AP1M1: variants seen among roughly 807,000 people sequenced by gnomAD.
The protein encoded by AP1M1 is AP-1 complex subunit mu-1.
In AP1M1, 18 loss-of-function variants were observed where a neutral mutation model predicts 57.1. The observed-to-expected ratio is 0.32, with a 90% CI of 0.22 to 0.47. The LOEUF is 0.47. AP1M1 is among the 20% of genes least tolerant of loss of function. The pLI is 1.00. For missense variants in AP1M1, 362 were observed against 593.5 expected (o/e 0.61, Z 4.05); for synonymous variants, 241 against 237.9 (o/e 1.01, Z -0.12).
chr19:16,200,402 G>C (rs2091442095), intron 1 of AP1M1, among the ~76,000 whole-genome samples: 1 of 152,208 alleles, frequency 6.6e-6, no homozygotes, highest in Non-Finnish European at 1.5e-5. Context: ...AGATGGGAGA[G>C]AGGGACCAAG....
intron 6 of AP1M1, chr19:16,226,879 C>T (rs1032829421): frequency 1.8e-5 from 4 of 225,812 alleles, no homozygotes; most frequent in Non-Finnish European, 2.6e-5. Flanking sequence ...TTTCTCCCCT[C>T]ACCTTGGGCC....
At chr19:16,233,441 G>A (rs2091607513) in intron 9 of AP1M1, 52 bp from the exon 10 acceptor site, 4 of 1,513,998 alleles carry the variant, frequency 2.6e-6, no homozygotes, top group South Asian at 1.2e-5. Context: ...AGAGCTGTTG[G>A]CTAAGCTGGG....
rs2091547079 is a variant in AP1M1 at position 16,222,109 on chromosome 19, G to T, written c.547-4312G>T. Among the ~76,000 whole-genome samples, 2 of 152,002 alleles carry T rather than the reference G, an allele frequency of 1.3e-5. 1 individual carries two copies. Among genetic ancestry groups the T allele is most frequent in the South Asian group, 4.1e-4 (2 of 4,820 alleles). On this transcript the variant is annotated intron_variant, in intron 5 of 11. Transcript: ENST00000291439. ...ATTCTATCTTTTCTTCTCTCTGTTAGATTGGATAATTTACATTGAACTGCC... is the reference window on the plus strand; with the variant it reads ...ATTCTATCTTTTCTTCTCTCTGTTATATTGGATAATTTACATTGAACTGCC...
rs1399230736 is a variant in AP1M1 at position 16,208,833 on chromosome 19, G to A, written c.399-197G>A. On this transcript the variant is annotated intron_variant, in intron 4 of 11. Transcript: ENST00000291439. ...GAGTGTATTGGCTTTTGGAAATTGT[G>A]AAGATTTTTCTGTATGAAGCAGCCC... 6 of 571,014 alleles carry A rather than the reference G, an allele frequency of 1.1e-5. No homozygotes were observed. In the East Asian group the frequency reaches 1.5e-4, roughly 14 times the overall value. 35.4% of individuals were successfully genotyped at this position (571,014 alleles called of 1,614,324 possible).
rs2091632624 is a variant in AP1M1 at position 16,238,252 on chromosome 19, G to A, written c.*3817G>A. 1 of 152,206 alleles carries A rather than the reference G, an allele frequency of 6.6e-6. No homozygotes were observed. Among genetic ancestry groups the A allele is most frequent in the African/African-American group, 2.4e-5 (1 of 41,448 alleles). 9.4% of individuals were successfully genotyped at this position (152,206 alleles called of 1,614,324 possible). On this transcript the variant is annotated 3_prime_UTR_variant, in exon 12 of 12. Transcript: ENST00000291439. Reference sequence around the variant, plus strand: ...TCTTGCAGAACTCTAGTTGAGAAAAGCCCTGAGAAGTCCATGCACCAATAT... The same window carrying A: ...TCTTGCAGAACTCTAGTTGAGAAAAACCCTGAGAAGTCCATGCACCAATAT...
Position 16,206,380 on chromosome 19 carries a change from T to G in AP1M1, c.239T>G (p.Val80Gly). The G allele has an allele frequency of 1.9e-6, 3 of 1,614,076 alleles. No homozygotes were observed. The highest frequency in any genetic ancestry group is 2.5e-6 in the Non-Finnish European group (3 of 1,180,000). ...TSKKNACVSL[V>G]FSFLYKVVQV... The stretch of plus-strand genomic sequence containing the variant: ...AAGAAGAACGCGTGCGTGTCGCTGG[T>G]CTTTTCTTTCCTCTATAAGGTGGTG... Residue 80 changes from valine to glycine, a missense_variant, in exon 3 of 12, where the codon GTC (valine) becomes GGC (glycine). Physicochemically the swap from Val to Gly is moderately radical, Grantham distance 109. This residue lies in a region of AP1M1 where 337 missense variants were observed against 511.1 expected (regional missense o/e 0.66). Coordinates refer to ENST00000291439, the MANE Select transcript of AP1M1 (RefSeq NM_032493.4). This position sits in a 1 kb window ranked among gnomAD's most constrained non-coding sequence, Gnocchi z 4.3.
chr19:16,220,434 A>G (rs1423824318), intron 5 of AP1M1, among the ~76,000 whole-genome samples: 1 of 152,050 alleles, frequency 6.6e-6, no homozygotes, highest in East Asian at 1.9e-4. Context: ...TCTGTCACCC[A>G]GGCTGGAGTG....
Position 16,235,153 on chromosome 19 carries a change from T to C in AP1M1, c.*718T>C, listed in dbSNP as rs1247562351. ...GGCCAGCCTGGGTCACGAGATGCTG[T>C]CACTCAGCCAGATCAGTATTGACCC... On this transcript the variant is annotated 3_prime_UTR_variant, in exon 12 of 12. Coordinates refer to ENST00000291439, the MANE Select transcript of AP1M1 (RefSeq NM_032493.4). 1 of 152,366 alleles carries C rather than the reference T, an allele frequency of 6.6e-6. No individual in the cohort carries two copies. Among genetic ancestry groups the C allele is most frequent in the Non-Finnish European group, 1.5e-5 (1 of 68,198 alleles). 9.4% of individuals were successfully genotyped at this position (152,366 alleles called of 1,614,324 possible).
intron 5 of AP1M1, among the ~76,000 whole-genome samples, chr19:16,215,731 G>A (rs1217553245): frequency 6.6e-6 from 1 of 152,154 alleles, no homozygotes; most frequent in Non-Finnish European, 1.5e-5. Context: ...GACTGGGGAA[G>A]TTCTCATGGA....
rs2091625899 is a variant in AP1M1 at position 16,236,612 on chromosome 19, A to G, written c.*2177A>G. The G allele has an allele frequency of 6.6e-6, 1 of 152,140 alleles. No individual in the cohort carries two copies. 9.4% of individuals were successfully genotyped at this position (152,140 alleles called of 1,614,324 possible). A position where few individuals can be genotyped will look rare whatever the true frequency, so the allele number is the denominator to read the frequency against. ...TTAACAGTAAAAAGATGGACTAGAAAAAACATTTGCCCTCCACCCCTGAGA... is the reference window on the plus strand; with the variant it reads ...TTAACAGTAAAAAGATGGACTAGAAGAAACATTTGCCCTCCACCCCTGAGA... On this transcript the variant is annotated 3_prime_UTR_variant, in exon 12 of 12. Transcript: ENST00000291439.
Position 16,206,375 on chromosome 19 carries a change from G to A in AP1M1, c.234G>A (p.Ser78=), listed in dbSNP as rs138900879. ...VATSKKNACV[S]LVFSFLYKVV... ...CATCCAAGAAGAACGCGTGCGTGTC[G>A]CTGGTCTTTTCTTTCCTCTATAAGG... Residue 78 remains serine, a synonymous_variant, in exon 3 of 12, where the codon TCG becomes TCA. Transcript: ENST00000291439. This position sits in a 1 kb window ranked among gnomAD's most constrained non-coding sequence, Gnocchi z 4.3. 6.8e-6 allele frequency: 11 copies of A among 1,613,996 alleles called. No homozygotes were observed. The East Asian group carries it at 1.3e-4, about 20-fold the overall frequency.
intron 1 of AP1M1, among the ~76,000 whole-genome samples, chr19:16,198,846 C>T (rs1454068453): frequency 1.3e-5 from 2 of 151,978 alleles, no homozygotes; most frequent in Non-Finnish European, 2.9e-5. Context: ...CATGCTCAGT[C>T]GTCCAGTCTG....
intron 5 of AP1M1, among the ~76,000 whole-genome samples, chr19:16,214,108 G>A (rs1027409059): frequency 6.7e-6 from 1 of 148,450 alleles, no homozygotes; most frequent in Non-Finnish European, 1.5e-5. Flanking sequence ...GAGTGCCATG[G>A]CGTGATCTTG....
At chr19:16,222,195 TAC>T (rs2091547486) in intron 5 of AP1M1, among the ~76,000 whole-genome samples, 3 of 117,094 alleles carry the variant, frequency 2.6e-5, no homozygotes, top group Admixed American at 8.7e-5. Flanking sequence ...TTATTATTAT[TAC>T]TATTATTATT....
intron 1 of AP1M1, among the ~76,000 whole-genome samples, chr19:16,201,128 G>A (rs958746325): frequency 6.6e-6 from 1 of 152,148 alleles, no homozygotes; most frequent in Non-Finnish European, 1.5e-5. Context: ...AGACCTGGAC[G>A]TTATCCTCGC....
chr19:16,213,956 T>C (rs1435808695), intron 5 of AP1M1, among the ~76,000 whole-genome samples: 3 of 152,258 alleles, frequency 2.0e-5, no homozygotes, highest in Non-Finnish European at 2.9e-5. Flanking sequence ...CTGTTTATTA[T>C]GCTGACTTGT....
At chr19:16,221,123 T>G (rs139904543) in intron 5 of AP1M1, among the ~76,000 whole-genome samples, 371 of 152,346 alleles carry the variant, frequency 2.4e-3, no homozygotes, top group Non-Finnish European at 4.2e-3. Flanking sequence ...GTTTTTTGTT[T>G]TTTTGTTTTG....
chr19:16,223,441 C>T (rs1049149883), intron 5 of AP1M1, among the ~76,000 whole-genome samples: 1 of 152,206 alleles, frequency 6.6e-6, no homozygotes, highest in African/African-American at 2.4e-5. Context: ...TGATTCCTTG[C>T]GGTTTACTGT....
intron 5 of AP1M1, among the ~76,000 whole-genome samples, chr19:16,222,212 T>TTA (rs2091548789): frequency 8.1e-6 from 1 of 123,864 alleles, no homozygotes; most frequent in African/African-American, 3.5e-5. Flanking sequence ...ATTATTATTA[T>TTA]TTTTTTTTTT....
Sources: gnomAD v4.1 joint callset for allele counts (sites outside exome capture counted in the v4.1 genomes callset) on GRCh38, gnomAD v4.1.1 for gene constraint, gnomAD v4.1.1 regional missense constraint, Gnocchi (gnomAD v3.1) non-coding constraint, MANE v1.5 for transcripts, NCBI Gene and HGNC (gene_info 2026-07-23, HGNC 2026-07-21) for gene names.